Variants in MTUS2 observed in about 807,000 individuals in gnomAD.
The protein encoded by MTUS2 is microtubule associated scaffold protein 2.
MTUS2 carries 40 observed loss-of-function variants against 114.1 expected under a neutral mutation model. The observed-to-expected ratio is 0.35, with a 90% CI of 0.27 to 0.46. MTUS2 has a LOEUF of 0.46. Ranked by LOEUF, MTUS2 falls within the 20% of genes least tolerant of loss-of-function variation. The pLI is 1.00. For synonymous variants in MTUS2, 688 were observed against 672.0 expected (o/e 1.02, Z -0.37); for missense variants, 1,679 against 1,705.4 (o/e 0.98, Z 0.27).
intron 8 of MTUS2, among the ~76,000 whole-genome samples, chr13:29,360,498 T>C (rs937494811): frequency 3.9e-5 from 6 of 152,158 alleles, no homozygotes; most frequent in Non-Finnish European, 8.8e-5. Context: ...CATTTATCAA[T>C]CTGTTGTGGT....
chr13:28,967,727 GC>G (rs897424035), intron 2 of MTUS2, among the ~76,000 whole-genome samples: 11 of 152,154 alleles, frequency 7.2e-5, no homozygotes, highest in African/African-American at 2.6e-4. Context: ...ACACACACAT[GC>G]CCTTGTTACC....
intron 2 of MTUS2, among the ~76,000 whole-genome samples, chr13:28,953,979 T>A (rs1882936916): frequency 1.3e-5 from 2 of 152,190 alleles, no homozygotes; most frequent in Admixed American, 6.5e-5. Flanking sequence ...AAAATCAATG[T>A]GATAGACAAA....
chr13:29,125,876 GC>G (rs1202187377), intron 5 of MTUS2, among the ~76,000 whole-genome samples: 3 of 152,150 alleles, frequency 2.0e-5, no homozygotes, highest in African/African-American at 7.2e-5. Context: ...TCTGTTTGAG[GC>G]ATCCCCTTAC....
chr13:29,396,573 C>T (rs144568249), intron 8 of MTUS2, among the ~76,000 whole-genome samples: 1 of 152,200 alleles, frequency 6.6e-6, no homozygotes, highest in African/African-American at 2.4e-5. Context: ...CTGCGTGGTA[C>T]ATGAGAAGGG....
intron 7 of MTUS2, among the ~76,000 whole-genome samples, chr13:29,356,204 G>A (rs1031842793): frequency 6.6e-6 from 1 of 152,148 alleles, no homozygotes; most frequent in Admixed American, 6.5e-5. Context: ...AAGCCTGCAT[G>A]GTGGCTCTTC....
chr13:29,267,596 T>C (rs1897714118), intron 5 of MTUS2, among the ~76,000 whole-genome samples: 1 of 152,208 alleles, frequency 6.6e-6, no homozygotes. Flanking sequence ...AGTTTGAAAG[T>C]TCACCAGGTT....
chr13:29,445,890 G>A (rs559742365), intron 9 of MTUS2, among the ~76,000 whole-genome samples: 13 of 151,770 alleles, frequency 8.6e-5, no homozygotes, highest in African/African-American at 2.7e-4. Context: ...CCTGAGTGAC[G>A]GAGCAAGACT....
At chr13:29,081,926 G>C (rs763856179) in intron 4 of MTUS2, among the ~76,000 whole-genome samples, 2 of 152,144 alleles carry the variant, frequency 1.3e-5, no homozygotes, top group Non-Finnish European at 2.9e-5. Context: ...ACTTTTGGCC[G>C]GAGTATCCAG....
At chr13:29,164,654 A>T (rs189634451) in intron 5 of MTUS2, among the ~76,000 whole-genome samples, 1 of 152,354 alleles carries the variant, frequency 6.6e-6, no homozygotes, top group Admixed American at 6.5e-5. Context: ...GAGCCCACAA[A>T]GAGAAAATGA....
At chr13:29,078,716 A>G (rs2138719692) in intron 4 of MTUS2, among the ~76,000 whole-genome samples, 1 of 152,308 alleles carries the variant, frequency 6.6e-6, no homozygotes, top group Non-Finnish European at 1.5e-5. Flanking sequence ...ATGGAATCAT[A>G]TAATATGTGG....
At chr13:29,415,823 T>TTTG (rs577489231) in intron 8 of MTUS2, among the ~76,000 whole-genome samples, 6 of 152,086 alleles carry the variant, frequency 3.9e-5, no homozygotes, top group Non-Finnish European at 8.8e-5. Context: ...ATTTAAGAAG[T>TTTG]TTGTTGTTGT....
chr13:29,113,811 G>A (rs1890975851), intron 5 of MTUS2, among the ~76,000 whole-genome samples: 1 of 152,018 alleles, frequency 6.6e-6, no homozygotes, highest in South Asian at 2.1e-4. Context: ...TTGGTGATAC[G>A]GTTTGGATGT....
At chr13:29,276,133 G>C (rs566822893) in intron 5 of MTUS2, among the ~76,000 whole-genome samples, 1 of 152,304 alleles carries the variant, frequency 6.6e-6, no homozygotes, top group African/African-American at 2.4e-5. Context: ...GATCAGCTCA[G>C]GGTGTCCACA....
Position 29,024,815 on chromosome 13 carries a change from A to G in MTUS2, c.117A>G (p.Gln39=), listed in dbSNP as rs1383700956. 7 of 1,613,932 alleles carry G rather than the reference A, an allele frequency of 4.3e-6. No homozygotes were observed. The highest frequency in any genetic ancestry group is 5.9e-6 in the Non-Finnish European group (7 of 1,179,900). Residue 39 remains glutamine, a synonymous_variant, in exon 3 of 16, where the codon CAA becomes CAG. Transcript: ENST00000612955. Reference sequence around the variant, plus strand: ...GTCTGGGAGATACGAATGCCAATCAAATCATGTTGGAGGTCAGCTCCTCTC... The same window carrying G: ...GTCTGGGAGATACGAATGCCAATCAGATCATGTTGGAGGTCAGCTCCTCTC... ...ILSLGDTNAN[Q]IMLEVSSSHD...
In MTUS2 at chr13:29,504,255, C is replaced by T. The variant is rs1055096731; in HGVS notation, c.*1049C>T. 3 of 231,774 alleles carry T rather than the reference C, an allele frequency of 1.3e-5. No individual in the cohort carries two copies. Among genetic ancestry groups the T allele is most frequent in the African/African-American group, 4.4e-5 (2 of 45,194 alleles). The allele number at this position is 231,774 out of a possible 1,614,324, so 14.4% of individuals were successfully genotyped here. A position where few individuals can be genotyped will look rare whatever the true frequency, so the allele number is the denominator to read the frequency against. On this transcript the variant is annotated 3_prime_UTR_variant, in exon 16 of 16. Transcript: ENST00000612955. ...GCTTTCCATGTGGTTCACTCTGATG[C>T]GATGCTGTAAATGATCAACTCTTTG...
rs919217374 is a variant in MTUS2 at position 29,022,795 on chromosome 13, T to G, written c.-242-1662T>G. On this transcript the variant is annotated intron_variant, in intron 2 of 15. Coordinates refer to ENST00000612955, the MANE Select transcript of MTUS2 (RefSeq NM_001033602.4). ...GTCAACCTTGAATAGAATGGTTTAG[T>G]GGTGATCTGTGAGTCTACTTTAACA... Among the ~76,000 whole-genome samples, 4 of 152,226 alleles carry G rather than the reference T, an allele frequency of 2.6e-5. 1 individual carries two copies. The highest frequency in any genetic ancestry group is 2.9e-5 in the Non-Finnish European group (2 of 68,030).
At position 29,026,550 on chromosome 13, in the gene MTUS2, T is replaced by C; in HGVS notation, c.1852T>C (p.Tyr618His). 3 of 1,613,880 alleles carry C rather than the reference T, an allele frequency of 1.9e-6. No individual in the cohort carries two copies. In the South Asian group the frequency reaches 3.3e-5, roughly 18 times the overall value. ...TPSSQEGMEN[Y>H]QVEKTEERTE... The stretch of plus-strand genomic sequence containing the variant: ...TTCCTCGCAGGAGGGAATGGAGAAC[T>C]ATCAGGTTGAAAAAACAGAGGAGAG... Residue 618 changes from tyrosine (Y) to histidine (H), a missense_variant, in exon 3 of 16, where the codon TAT becomes CAT. Coordinates refer to ENST00000612955, the MANE Select transcript of MTUS2 (RefSeq NM_001033602.4).
chr13:29,359,002 A>C (rs747703479), intron 7 of MTUS2, among the ~76,000 whole-genome samples: 5 of 152,098 alleles, frequency 3.3e-5, no homozygotes, highest in Non-Finnish European at 5.9e-5. Flanking sequence ...GCCTAGAAGA[A>C]GTGTCGGAAG....
chr13:29,249,385 A>G (rs1188946204), intron 5 of MTUS2, among the ~76,000 whole-genome samples: 1 of 152,208 alleles, frequency 6.6e-6, no homozygotes, highest in Non-Finnish European at 1.5e-5. Flanking sequence ...GAATCACCAT[A>G]CTGTCTTCCA....
Sources: gnomAD v4.1 joint callset for allele counts (sites outside exome capture counted in the v4.1 genomes callset) on GRCh38, gnomAD v4.1.1 for gene constraint, MANE v1.5 for transcripts, NCBI Gene and HGNC (gene_info 2026-07-23, HGNC 2026-07-21) for gene names.